NPSR1: variants seen among roughly 807,000 people sequenced by gnomAD.
NPSR1 encodes neuropeptide S receptor 1, also known as neuropeptide S receptor.
In NPSR1, 48 loss-of-function variants were observed where a neutral mutation model predicts 46.9. The observed-to-expected ratio is 1.02, with a 90% CI of 0.81 to 1.30. The LOEUF (loss-of-function observed/expected upper bound fraction) is 1.30, where lower values mean the gene tolerates loss of function less well. NPSR1 is among the 50% of genes most tolerant of loss of function. The pLI is 0.00. For missense variants in NPSR1, 450 were observed against 449.5 expected, an observed-to-expected ratio of 1.00 and a Z score of -0.01; for synonymous variants, 176 against 168.1, an observed-to-expected ratio of 1.05 and a Z score of -0.36.
chr7:34,825,359 G>A (rs997651829), intron 4 of NPSR1, among the ~76,000 whole-genome samples: 1 of 152,172 alleles, frequency 6.6e-6, no homozygotes, highest in Non-Finnish European at 1.5e-5. Context: ...GTGACTCGAT[G>A]TCTACATAAA....
chr7:34,806,343 A>C (rs1788697466), intron 3 of NPSR1, among the ~76,000 whole-genome samples: 1 of 152,126 alleles, frequency 6.6e-6, no homozygotes, highest in South Asian at 2.1e-4. Context: ...ATATAACAAA[A>C]TGGGCTATCC....
chr7:34,851,507 A>G (rs1790934351), downstream of NPSR1, among the ~76,000 whole-genome samples: 1 of 152,156 alleles, frequency 6.6e-6, no homozygotes, highest in Non-Finnish European at 1.5e-5. Context: ...AAACTTGAGC[A>G]ACCCTGGAAG....
At chr7:34,761,762 C>T (rs1393629603) in intron 2 of NPSR1, among the ~76,000 whole-genome samples, 1 of 152,126 alleles carries the variant, frequency 6.6e-6, no homozygotes, top group African/African-American at 2.4e-5. Flanking sequence ...AAAGAGAAAA[C>T]AAGTTGTCTA....
intron 8 of NPSR1, among the ~76,000 whole-genome samples, chr7:34,873,104 C>A (rs923468843): frequency 6.6e-6 from 1 of 151,796 alleles, no homozygotes; most frequent in Non-Finnish European, 1.5e-5. Flanking sequence ...CCAAGCTCTT[C>A]ATTAAAGCAT....
At chr7:34,727,075 T>G (rs915543819) in intron 2 of NPSR1, among the ~76,000 whole-genome samples, 1 of 152,124 alleles carries the variant, frequency 6.6e-6, no homozygotes, top group Non-Finnish European at 1.5e-5. Context: ...CATTCTGGTA[T>G]GGGATATTGA....
chr7:34,676,409 T>C (rs1792318435), intron 1 of NPSR1, among the ~76,000 whole-genome samples: 1 of 152,190 alleles, frequency 6.6e-6, no homozygotes, highest in Admixed American at 6.5e-5. Context: ...GCCTATCAAC[T>C]TTTCGTCCAC....
intron 2 of NPSR1, among the ~76,000 whole-genome samples, chr7:34,746,976 T>C (rs1438002839): frequency 2.0e-5 from 3 of 151,710 alleles, no homozygotes; most frequent in African/African-American, 7.3e-5. Flanking sequence ...AATACAAAAA[T>C]TAGCTGTGCA....
chr7:34,751,847 C>T (rs1785552846), intron 2 of NPSR1: 2 of 1,582,176 alleles, frequency 1.3e-6, no homozygotes, highest in Non-Finnish European at 1.7e-6. Flanking sequence ...GTCACTGCCA[C>T]CTCTTTGAAT....
At chr7:34,784,333 CT>C (rs1366368489) in intron 3 of NPSR1, among the ~76,000 whole-genome samples, 2 of 152,016 alleles carry the variant, frequency 1.3e-5, no homozygotes, top group Non-Finnish European at 2.9e-5. Context: ...TCATAGATAG[CT>C]CTTATTATTT....
chr7:34,779,613 G>T, intron 3 of NPSR1: 1 of 1,248,220 alleles, frequency 8.0e-7, no homozygotes, highest in Non-Finnish European at 1.0e-6. Context: ...TTTGTGCTCT[G>T]AATATAACCT....
At chr7:34,761,510 A>G (rs1301137310) in intron 2 of NPSR1, among the ~76,000 whole-genome samples, 2 of 152,170 alleles carry the variant, frequency 1.3e-5, no homozygotes, top group Admixed American at 6.5e-5. Flanking sequence ...TCATTTCCCT[A>G]TGTACAAGCG....
chr7:34,809,024 A>C (rs1301462958), intron 3 of NPSR1, among the ~76,000 whole-genome samples: 1 of 152,112 alleles, frequency 6.6e-6, no homozygotes, highest in Non-Finnish European at 1.5e-5. Context: ...CCAGATTCTG[A>C]ACTGTGCCTG....
intron 3 of NPSR1, among the ~76,000 whole-genome samples, chr7:34,801,615 T>G (rs374115693): frequency 1.4e-5 from 2 of 143,118 alleles, no homozygotes; most frequent in Non-Finnish European, 3.0e-5. Flanking sequence ...CAATATCATA[T>G]TGAATGGGCA....
chr7:34,845,058 C>A, intron 7 of NPSR1, 76 bp downstream of exon 7: 2 of 964,558 alleles, frequency 2.1e-6, no homozygotes, highest in Non-Finnish European at 3.4e-6. Context: ...GACCTGGTGA[C>A]AGAAAGGAAT....
At chr7:34,857,946 T>C (rs1791087245) in intron 8 of NPSR1, among the ~76,000 whole-genome samples, 1 of 151,710 alleles carries the variant, frequency 6.6e-6, no homozygotes, top group Non-Finnish European at 1.5e-5. Flanking sequence ...TATGAAAAGG[T>C]GTTTAATCTC....
At chr7:34,829,192 G>A (rs1481939715) in intron 5 of NPSR1, among the ~76,000 whole-genome samples, 1 of 152,162 alleles carries the variant, frequency 6.6e-6, no homozygotes, top group Non-Finnish European at 1.5e-5. Flanking sequence ...ACTAAAAGAA[G>A]TTAACTGCCT....
chr7:34,685,927 C>T (rs1419837), intron 2 of NPSR1: 36,263 of 232,972 alleles, frequency 0.16, 3,993 homozygotes, highest in African/African-American at 0.36. Flanking sequence ...ACTCCTATAA[C>T]CGTAGAAGTA....
At chr7:34,819,321 A>G (rs1319779622) in intron 4 of NPSR1, among the ~76,000 whole-genome samples, 1 of 152,264 alleles carries the variant, frequency 6.6e-6, no homozygotes, top group Non-Finnish European at 1.5e-5. Flanking sequence ...AAAAATGCTC[A>G]TCATCACTGA....
intron 2 of NPSR1, among the ~76,000 whole-genome samples, chr7:34,690,355 C>G (rs1394165397): frequency 2.0e-5 from 3 of 152,118 alleles, no homozygotes; most frequent in African/African-American, 7.2e-5. Context: ...TAGAGTGCTA[C>G]AACACCCCCA....
Sources: gnomAD v4.1 joint callset for allele counts (sites outside exome capture counted in the v4.1 genomes callset) on GRCh38, gnomAD v4.1.1 for gene constraint, MANE v1.5 for transcripts, NCBI Gene and HGNC (gene_info 2026-07-23, HGNC 2026-07-21) for gene names.